LRP2: variants seen among roughly 807,000 people sequenced by gnomAD.
LRP2 encodes the protein LDL receptor related protein 2.
A neutral mutation model predicts 531.0 loss-of-function variants in LRP2; 172 were observed. That is an observed-to-expected ratio of 0.32 (90% CI 0.29 to 0.37). LRP2 has a LOEUF of 0.37. Among genes scored for constraint, LRP2 ranks in the 10% least tolerant of loss-of-function variants. LRP2 has a pLI of 1.00. For missense variants in LRP2, 5,167 were observed against 5,868.3 expected, an observed-to-expected ratio of 0.88 and a Z score of 3.90; for synonymous variants, 1,992 against 2,027.6, an observed-to-expected ratio of 0.98 and a Z score of 0.47.
rs199621056 is a variant in LRP2, at chr2:169,233,401, T to C, written c.5098+10A>G. 2 of 1,614,058 alleles carry C rather than the reference T, an allele frequency of 1.2e-6. No homozygotes were observed. The highest frequency in any genetic ancestry group is 1.6e-4 in the Middle Eastern group (1 of 6,084). ...TACTCCCAGGCAGGATGTTTCTCTG[T>C]ATCACTCACAATTTGGTTGTTTCGA... On this transcript the variant is annotated intron_variant, in intron 30 of 78. Coordinates refer to ENST00000649046, the MANE Select transcript of LRP2 (RefSeq NM_004525.3).
intron 1 of LRP2, among the ~76,000 whole-genome samples, chr2:169,331,525 G>A (rs1460321164): frequency 5.3e-5 from 8 of 152,120 alleles, no homozygotes; most frequent in African/African-American, 1.9e-4. Flanking sequence ...TTCCCTACAC[G>A]TGGAAGGAAA....
chr2:169,173,466 G>T (rs1233227381), intron 56 of LRP2, among the ~76,000 whole-genome samples: 1 of 152,118 alleles, frequency 6.6e-6, no homozygotes, highest in African/African-American at 2.4e-5. Context: ...GGTGGGGTTG[G>T]GGAAGGACAG....
chr2:169,281,336 C>T (rs761143698), intron 10 of LRP2, among the ~76,000 whole-genome samples: 20 of 151,838 alleles, frequency 1.3e-4, no homozygotes, highest in Non-Finnish European at 2.7e-4. Flanking sequence ...GCAGGAGAAT[C>T]GCTTGAACCC....
At chr2:169,186,572 A>G (rs1054872234) in intron 49 of LRP2, among the ~76,000 whole-genome samples, 1 of 152,244 alleles carries the variant, frequency 6.6e-6, no homozygotes, top group Non-Finnish European at 1.5e-5. Context: ...TCTACTCATC[A>G]AGGAGCAATA....
rs942626237 is a variant in LRP2, at chr2:169,146,888, T to C, written c.12662A>G (p.Asn4221Ser). 8 of 1,614,026 alleles carry C rather than the reference T, an allele frequency of 5.0e-6. No individual in the cohort carries two copies. The highest frequency in any genetic ancestry group is 5.9e-6 in the Non-Finnish European group (7 of 1,180,030). Residue 4221 changes from asparagine (N) to serine (S), a missense_variant, in exon 69 of 79, where the codon AAC becomes AGC. Physicochemically the swap from Asn to Ser is conservative, Grantham distance 46. Transcript: ENST00000649046. ...ESAWMNGEDR[N>S]ILVFEDLGWP... is the part of the protein sequence containing the mutation. ...ACCAAGGTCCTCGAAAACCAGGATG[T>C]TGCGGTCCTCTCCATTCATCCAGGC...
intron 16 of LRP2, among the ~76,000 whole-genome samples, chr2:169,270,015 T>C (rs1259937419): frequency 2.0e-5 from 3 of 152,172 alleles, no homozygotes; most frequent in East Asian, 3.8e-4. Context: ...ATGCTCATCA[T>C]CACTAGCCAT....
chr2:169,209,403 T>C (rs374291388), intron 38 of LRP2, 50 bp downstream of exon 38: 7 of 1,576,248 alleles, frequency 4.4e-6, no homozygotes, highest in Non-Finnish European at 6.1e-6. Context: ...TAGCATAAAA[T>C]AAGATGACAG....
At chr2:169,309,240 T>C (rs1209519361) in intron 3 of LRP2, among the ~76,000 whole-genome samples, 2 of 152,208 alleles carry the variant, frequency 1.3e-5, no homozygotes, top group East Asian at 1.9e-4. Context: ...AGATCCCATT[T>C]ATCAATTTTG....
intron 31 of LRP2, among the ~76,000 whole-genome samples, chr2:169,227,250 T>A (rs1162452667): frequency 6.6e-6 from 1 of 152,200 alleles, no homozygotes; most frequent in African/African-American, 2.4e-5. Context: ...ATAAAATAGT[T>A]GCCCAATAAA....
Position 169,318,773 on chromosome 2 carries a change from C to T in LRP2, c.299G>A (p.Arg100His), listed in dbSNP as rs35642533. 240 of 1,614,028 alleles carry T rather than the reference C, an allele frequency of 1.5e-4. No homozygotes were observed. In the African/African-American group the frequency reaches 2.0e-3, roughly 13 times the overall value. ...CTCCAAACACTTACAGCAATCTTGACGTTCATCTGAGCCATCATCACAGTC... is the reference window on the plus strand; with the variant it reads ...CTCCAAACACTTACAGCAATCTTGATGTTCATCTGAGCCATCATCACAGTC... ...DQDCDDGSDE[R>H]QDCSQSTCSS... Residue 100 changes from arginine to histidine, a missense_variant, in exon 3 of 79, where the codon CGT becomes CAT. Coordinates refer to ENST00000649046, the MANE Select transcript of LRP2 (RefSeq NM_004525.3).
chr2:169,130,463 T>C, intron 77 of LRP2, among the ~76,000 whole-genome samples: 1 of 152,102 alleles, frequency 6.6e-6, no homozygotes, highest in East Asian at 1.9e-4. Flanking sequence ...AATTTTTGCA[T>C]TTTTAGTAGA....
At chr2:169,152,705 C>G in intron 67 of LRP2, 94 bp downstream of exon 67, 1 of 1,434,248 alleles carries the variant, frequency 7.0e-7, no homozygotes, top group South Asian at 1.2e-5. Context: ...GTACTCATAT[C>G]CAGGCCCAGA....
At chr2:169,354,934 A>G (rs1685949757) in intron 1 of LRP2, among the ~76,000 whole-genome samples, 1 of 152,226 alleles carries the variant, frequency 6.6e-6, no homozygotes, top group South Asian at 2.1e-4. Flanking sequence ...ATAGCAAAGG[A>G]CTAGTGCTTG....
rs990844377 is a variant in LRP2 at position 169,207,046 on chromosome 2, C to A, written c.6674G>T (p.Arg2225Leu). ...IERSFLDCTNRTVLVSEGIVT... is the reference protein window; with the variant it reads ...IERSFLDCTNLTVLVSEGIVT... ...AATGCCCTCTGACACAAGCACTGTT[C>A]GATTGGTACAGTCAAGGAAAGAACG... The change falls in exon 39 of 79, where the codon CGA becomes CTA. Residue 2225 changes from arginine (R) to leucine (L), a missense_variant. By Grantham distance (102) the Arg-to-Leu change is moderately radical. Around this residue, in one of 6 missense-constraint regions of LRP2, gnomAD observed 2,811 missense variants for 3,058.0 expected, o/e 0.92. Transcript: ENST00000649046. The A allele has an allele frequency of 3.1e-6, 5 of 1,614,036 alleles. No homozygotes were observed. The highest frequency in any genetic ancestry group is 4.2e-6 in the Non-Finnish European group (5 of 1,180,032).
intron 1 of LRP2, among the ~76,000 whole-genome samples, chr2:169,357,285 TTTATTTTTA>T (rs1686015853): frequency 6.9e-6 from 1 of 145,904 alleles, no homozygotes; most frequent in Non-Finnish European, 1.5e-5. Context: ...TTCTTTTTTA[TTTATTTTTA>T]TTTTATTTTA....
chr2:169,147,391 T>C (rs945652630), intron 68 of LRP2, among the ~76,000 whole-genome samples: 3 of 152,136 alleles, frequency 2.0e-5, no homozygotes, highest in East Asian at 3.9e-4. Flanking sequence ...GACATAATCA[T>C]AGCTCACTAC....
chr2:169,129,906 C>CAGGAGCTG (rs1342507607), intron 77 of LRP2, among the ~76,000 whole-genome samples: 1 of 152,220 alleles, frequency 6.6e-6, no homozygotes, highest in African/African-American at 2.4e-5. Flanking sequence ...CTACTCTCAA[C>CAGGAGCTG]AGGAGCTGAG....
In LRP2 at chr2:169,205,515, T is replaced by C; in HGVS notation, c.7679A>G (p.Tyr2560Cys). Reference sequence around the variant, plus strand: ...CACCCAGTAGAGAAGGTCCTCTTCATAGTCCAGAGTCAGCCCACTGGGCAT... The same window carrying C: ...CACCCAGTAGAGAAGGTCCTCTTCACAGTCCAGAGTCAGCCCACTGGGCAT... ...LVMPSGLTLD[Y>C]EEDLLYWVDA... is the part of the protein sequence containing the mutation. Residue 2560 changes from tyrosine to cysteine, a missense_variant, in exon 41 of 79, where the codon TAT (tyrosine) becomes TGT (cysteine). Physicochemically the swap from Tyr to Cys is radical, Grantham distance 194. Around this residue, in one of 6 missense-constraint regions of LRP2, gnomAD observed 1,129 missense variants for 1,362.7 expected, o/e 0.83. Coordinates refer to ENST00000649046, the MANE Select transcript of LRP2 (RefSeq NM_004525.3). 6.2e-7 allele frequency: 1 copy of C among 1,614,182 alleles called. No individual in the cohort carries two copies. The highest frequency in any genetic ancestry group is 8.5e-7 in the Non-Finnish European group (1 of 1,180,018).
chr2:169,188,083 T>C lies in LRP2; in HGVS notation c.9215A>G (p.Glu3072Gly), dbSNP rs1455700545. 6.2e-7 allele frequency: 1 copy of C among 1,614,178 alleles called. No individual in the cohort carries two copies. The highest frequency in any genetic ancestry group is 1.1e-5 in the South Asian group (1 of 91,072). ...DELMHLCHTPEPTCPPHEFKC... is the reference protein window; with the variant it reads ...DELMHLCHTPGPTCPPHEFKC... Reference sequence around the variant, plus strand: ...GAACTCGTGAGGTGGACACGTGGGTTCTGGGGTGTGGCACAGGTGCATCAG... The same window carrying C: ...GAACTCGTGAGGTGGACACGTGGGTCCTGGGGTGTGGCACAGGTGCATCAG... Residue 3072 changes from glutamate to glycine, a missense_variant, in exon 49 of 79, where the codon GAA (glutamate) becomes GGA (glycine). Glu to Gly is a moderately conservative substitution (Grantham distance 98). Coordinates refer to ENST00000649046, the MANE Select transcript of LRP2 (RefSeq NM_004525.3).
Sources: allele counts gnomAD v4.1 joint callset (sites outside exome capture counted in the v4.1 genomes callset), GRCh38; gene constraint gnomAD v4.1.1; regional missense constraint gnomAD v4.1.1; transcripts MANE v1.5; gene names NCBI Gene and HGNC (gene_info 2026-07-23, HGNC 2026-07-21).